Variants in AAK1 observed in about 807,000 individuals in gnomAD.
AAK1 encodes the protein AP2 associated kinase 1.
In AAK1, 37 loss-of-function variants were observed where a neutral mutation model predicts 116.0. That is an observed-to-expected ratio of 0.32 (90% CI 0.25 to 0.42). The LOEUF (loss-of-function observed/expected upper bound fraction) is 0.42, where lower values mean the gene tolerates loss of function less well. Among genes scored for constraint, AAK1 ranks in the 10% least tolerant of loss-of-function variants. The pLI, the probability that AAK1 is intolerant of heterozygous loss-of-function variation, is 1.00. For missense variants in AAK1, 919 were observed against 1,170.6 expected (o/e 0.79, Z 3.14); for synonymous variants, 458 against 439.9 (o/e 1.04, Z -0.51).
chr2:69,487,934 C>T (rs904264799), intron 17 of AAK1, among the ~76,000 whole-genome samples: 3 of 151,680 alleles, frequency 2.0e-5, no homozygotes, highest in South Asian at 2.1e-4. Flanking sequence ...GCATTATAGG[C>T]GCCTGCCACC....
In AAK1 at chr2:69,465,492, G is replaced by A. The variant is rs940040866; in HGVS notation, c.*10377C>T. 19 of 1,290,804 alleles carry A rather than the reference G, an allele frequency of 1.5e-5. No individual in the cohort carries two copies. Among genetic ancestry groups the A allele is most frequent in the Non-Finnish European group, 1.6e-5 (16 of 988,892 alleles). The allele number at this position is 1,290,804 out of a possible 1,614,324, so 80.0% of individuals were successfully genotyped here. A position where few individuals can be genotyped will look rare whatever the true frequency, so the allele number is the denominator to read the frequency against. On this transcript the variant is annotated 3_prime_UTR_variant, in exon 22 of 22. Transcript: ENST00000409085. ...AAATGGATCAGCAGCTGGCAGCTCC[G>A]TAGTCCTGGAGGAAAGGGATGTGAT...
chr2:69,588,876 C>G (rs984120011), intron 2 of AAK1, among the ~76,000 whole-genome samples: 12 of 152,192 alleles, frequency 7.9e-5, no homozygotes, highest in African/African-American at 2.7e-4. Context: ...AGAGCTCAAT[C>G]TGGATCCTCT....
chr2:69,498,690 G>C (rs1009111638), intron 16 of AAK1, among the ~76,000 whole-genome samples: 23 of 152,258 alleles, frequency 1.5e-4, no homozygotes, highest in African/African-American at 5.5e-4. Context: ...GGAAGGCAAA[G>C]GTGGGATTGC....
At chr2:69,496,147 T>A (rs546615121) in intron 16 of AAK1, 67 bp from the exon 17 acceptor site, 1 of 1,125,238 alleles carries the variant, frequency 8.9e-7, no homozygotes, top group Non-Finnish European at 1.3e-6. Flanking sequence ...TAACACCAAG[T>A]AAATCTAGGT....
chr2:69,520,659 G>A (rs890512723), intron 11 of AAK1, among the ~76,000 whole-genome samples, 175 bp downstream of exon 11: 1 of 152,082 alleles, frequency 6.6e-6, no homozygotes, highest in Non-Finnish European at 1.5e-5. Context: ...GAGCCACCAC[G>A]CCCGGCCACT....
At chr2:69,525,565 G>A (rs1302515191) in intron 9 of AAK1, among the ~76,000 whole-genome samples, 1 of 152,204 alleles carries the variant, frequency 6.6e-6, no homozygotes, top group African/African-American at 2.4e-5. Context: ...GAGTCTGCAA[G>A]TTAGAATGCT....
intron 18 of AAK1, 63 bp downstream of exon 18, chr2:69,482,648 T>C (rs1675138474): frequency 7.3e-7 from 1 of 1,367,170 alleles, no homozygotes; most frequent in East Asian, 2.3e-5. Flanking sequence ...ACTAGGTACT[T>C]GTCATTCTTG....
In AAK1 at chr2:69,642,905, C is replaced by A. The variant is rs956018201; in HGVS notation, c.136G>T (p.Val46Phe). Reference protein sequence around the residue: ...GRVFGIGRQQVTVDEVLAEGG... With the variant: ...GRVFGIGRQQFTVDEVLAEGG... ...TCCGCCAACACCTCGTCCACTGTGA[C>A]CTGCTGTCGCCCGATGCCGAAGACT... Residue 46 changes from valine (V) to phenylalanine (F), a missense_variant, in exon 2 of 22, where the codon GTC becomes TTC. Physicochemically the swap from Val to Phe is conservative, Grantham distance 50. Transcript: ENST00000409085. The A allele has an allele frequency of 2.0e-5, 33 of 1,613,790 alleles. No individual in the cohort carries two copies. The highest frequency in any genetic ancestry group is 2.7e-5 in the Non-Finnish European group (32 of 1,179,878).
chr2:69,496,824 G>A (rs1675764108), intron 16 of AAK1, among the ~76,000 whole-genome samples: 1 of 152,028 alleles, frequency 6.6e-6, no homozygotes, highest in Admixed American at 6.6e-5. Flanking sequence ...AAGTCCTACT[G>A]TATCACCATG....
chr2:69,479,585 A>G (rs1675004529), intron 19 of AAK1, among the ~76,000 whole-genome samples: 1 of 152,164 alleles, frequency 6.6e-6, no homozygotes, highest in Non-Finnish European at 1.5e-5. Context: ...ATCCAAACTG[A>G]TTAGGAGAGG....
chr2:69,502,180 T>C (rs1422129676), intron 16 of AAK1, among the ~76,000 whole-genome samples: 8 of 152,020 alleles, frequency 5.3e-5, no homozygotes, highest in Admixed American at 6.5e-5. Flanking sequence ...TATATATATA[T>C]TGTTGTACTT....
At chr2:69,528,818 A>G (rs1329988875) in intron 8 of AAK1, among the ~76,000 whole-genome samples, 1 of 152,228 alleles carries the variant, frequency 6.6e-6, no homozygotes, top group African/African-American at 2.4e-5. Flanking sequence ...TACTGCATAA[A>G]TGTTTTAAAA....
intron 5 of AAK1, among the ~76,000 whole-genome samples, chr2:69,538,313 T>C (rs1472420400): frequency 6.6e-6 from 1 of 152,246 alleles, no homozygotes; most frequent in African/African-American, 2.4e-5. Context: ...ATTCCCCTGC[T>C]GAAACATCTT....
At chr2:69,567,173 T>C (rs2105109699) in intron 2 of AAK1, among the ~76,000 whole-genome samples, 1 of 152,340 alleles carries the variant, frequency 6.6e-6, no homozygotes, top group South Asian at 2.1e-4. Flanking sequence ...TAAGGATCTT[T>C]GCACATGCTT....
At chr2:69,560,126 A>C (rs1671570947) in intron 2 of AAK1, among the ~76,000 whole-genome samples, 1 of 152,262 alleles carries the variant, frequency 6.6e-6, no homozygotes, top group South Asian at 2.1e-4. Flanking sequence ...GATGAGAAGC[A>C]TTTAAATCAC....
chr2:69,567,138 A>G (rs1256324954), intron 2 of AAK1, among the ~76,000 whole-genome samples: 1 of 152,196 alleles, frequency 6.6e-6, no homozygotes, highest in Non-Finnish European at 1.5e-5. Context: ...TTTCTTCTTC[A>G]GCATTGCTTA....
chr2:69,472,618 G>A lies in AAK1; in HGVS notation c.*3251C>T, dbSNP rs1280280270. 6.1e-6 allele frequency: 6 copies of A among 985,094 alleles called. No individual in the cohort carries two copies. Among genetic ancestry groups the A allele is most frequent in the East Asian group, 1.1e-4 (1 of 8,830 alleles). 61.0% of individuals were successfully genotyped at this position (985,094 alleles called of 1,614,324 possible). On this transcript the variant is annotated 3_prime_UTR_variant, in exon 22 of 22. Transcript: ENST00000409085. ...TTAAGCCTTATCTCCTCTGAGGTAT[G>A]TATTTTTGAAAACATTGGGACTCAT...
chr2:69,622,256 G>C (rs2105239586), intron 2 of AAK1, among the ~76,000 whole-genome samples: 1 of 152,348 alleles, frequency 6.6e-6, no homozygotes, highest in Non-Finnish European at 1.5e-5. Context: ...CCGGGCCTTA[G>C]CTGCCTCCCC....
rs753157314 is a variant in AAK1 at position 69,492,912 on chromosome 2, G to A, written c.2365+3073C>T. Among the ~76,000 whole-genome samples, 169 of 151,914 alleles carry A rather than the reference G, an allele frequency of 1.1e-3. 3 individuals carry two copies. Among genetic ancestry groups the A allele is most frequent in the Non-Finnish European group, 3.1e-4 (21 of 67,996 alleles). On this transcript the variant is annotated intron_variant, in intron 17 of 21. Coordinates refer to ENST00000409085, the MANE Select transcript of AAK1 (RefSeq NM_014911.5). Reference sequence around the variant, plus strand: ...AAATCAGGCAAAAAACTTGACTGGTGTCCATAGTGGGCTGGAGGTGTGACA... The same window carrying A: ...AAATCAGGCAAAAAACTTGACTGGTATCCATAGTGGGCTGGAGGTGTGACA...
Sources: allele counts gnomAD v4.1 joint callset (sites outside exome capture counted in the v4.1 genomes callset), GRCh38; gene constraint gnomAD v4.1.1; transcripts MANE v1.5; gene names NCBI Gene and HGNC (gene_info 2026-07-23, HGNC 2026-07-21).